Variants in CDH18 observed in about 807,000 individuals in gnomAD.
CDH18 encodes cadherin 18.
In CDH18, 31 loss-of-function variants were observed where a neutral mutation model predicts 67.9. That is an observed-to-expected ratio of 0.46 (90% CI 0.34 to 0.62). CDH18 has a LOEUF of 0.62. Among genes scored for constraint, CDH18 ranks in the 20% least tolerant of loss-of-function variants. CDH18 has a pLI of 0.01. For synonymous variants in CDH18, 362 were observed against 347.2 expected, an observed-to-expected ratio of 1.04 and a Z score of -0.48; for missense variants, 890 against 975.5, an observed-to-expected ratio of 0.91 and a Z score of 1.17.
chr5:19,872,790 T>A (rs2150026274), intron 2 of CDH18, among the ~76,000 whole-genome samples: 1 of 152,274 alleles, frequency 6.6e-6, no homozygotes, highest in African/African-American at 2.4e-5. Context: ...CACGGTAATT[T>A]GTTACACAAA....
At chr5:20,169,162 TA>T (rs1271963337) in intron 2 of CDH18, among the ~76,000 whole-genome samples, 1 of 152,128 alleles carries the variant, frequency 6.6e-6, no homozygotes, top group Non-Finnish European at 1.5e-5. Flanking sequence ...ACATAAAGGA[TA>T]AATGCTTGAG....
chr5:20,289,688 AAAAT>A (rs1247106534), intron 1 of CDH18, among the ~76,000 whole-genome samples: 1 of 151,900 alleles, frequency 6.6e-6, no homozygotes, highest in Admixed American at 6.6e-5. Context: ...ATCTTAGAAG[AAAAT>A]ATATATTAAA....
At chr5:19,870,528 T>C (rs1786142301) in intron 2 of CDH18, among the ~76,000 whole-genome samples, 3 of 152,134 alleles carry the variant, frequency 2.0e-5, no homozygotes. Context: ...AGAGTATCCT[T>C]ATGTTATAAG....
intron 7 of CDH18, among the ~76,000 whole-genome samples, chr5:19,577,315 AAT>A (rs1286530722): frequency 1.3e-5 from 2 of 152,176 alleles, no homozygotes; most frequent in Non-Finnish European, 2.9e-5. Flanking sequence ...GTACATCATA[AAT>A]ATATATAATT....
chr5:19,594,344 G>T (rs972158443), intron 6 of CDH18, among the ~76,000 whole-genome samples: 1 of 151,976 alleles, frequency 6.6e-6, no homozygotes. Context: ...GTAGAGACAG[G>T]GTTTCACTAT....
At chr5:20,128,484 A>T (rs1366036021) in intron 2 of CDH18, among the ~76,000 whole-genome samples, 1 of 152,120 alleles carries the variant, frequency 6.6e-6, no homozygotes, top group East Asian at 1.9e-4. Flanking sequence ...ACAGTGCTGC[A>T]GTGTTCTGAC....
intron 6 of CDH18, among the ~76,000 whole-genome samples, chr5:19,593,711 CTTCTTCTTCTTCTT>C (rs1561425930): frequency 0.077 from 9,947 of 129,332 alleles, 985 homozygotes; most frequent in East Asian, 0.25. Context: ...CCTCCTCCTT[CTTCTTCTTCTTCTT>C]CTTCTTCTTC....
intron 2 of CDH18, among the ~76,000 whole-genome samples, chr5:20,160,717 A>C (rs928262108): frequency 6.6e-6 from 1 of 152,226 alleles, no homozygotes; most frequent in Non-Finnish European, 1.5e-5. Flanking sequence ...TGTAATGAGC[A>C]AGGCTCTTTA....
intron 1 of CDH18, among the ~76,000 whole-genome samples, chr5:20,502,148 C>T (rs1357652998): frequency 6.6e-6 from 1 of 152,146 alleles, no homozygotes; most frequent in East Asian, 1.9e-4. Context: ...TTGCAGAAGA[C>T]AGTATTTTTA....
At chr5:20,066,331 G>C (rs1742973582) in intron 2 of CDH18, among the ~76,000 whole-genome samples, 1 of 152,036 alleles carries the variant, frequency 6.6e-6, no homozygotes, top group Non-Finnish European at 1.5e-5. Context: ...CTTGATACCA[G>C]AAAAACGCTA....
chr5:20,333,520 AAT>A (rs141580496), intron 1 of CDH18, among the ~76,000 whole-genome samples: 8 of 115,714 alleles, frequency 6.9e-5, no homozygotes, highest in African/African-American at 1.9e-4. Context: ...AAAAAAAAAC[AAT>A]ATATATACAC....
chr5:20,400,551 G>A (rs1017569974), intron 1 of CDH18, among the ~76,000 whole-genome samples: 59 of 151,080 alleles, frequency 3.9e-4, no homozygotes, highest in Admixed American at 2.4e-3. Context: ...ACTTGAGGCC[G>A]GGAGATTGAG....
At chr5:19,681,221 C>G (rs13170225) in intron 5 of CDH18, among the ~76,000 whole-genome samples, 1 of 151,570 alleles carries the variant, frequency 6.6e-6, no homozygotes, top group East Asian at 2.0e-4. Context: ...GGGGTACACA[C>G]GAACACATGA....
At chr5:20,506,266 A>G (rs934838900) in intron 1 of CDH18, among the ~76,000 whole-genome samples, 24 of 152,156 alleles carry the variant, frequency 1.6e-4, no homozygotes. Context: ...AATTGCTCCT[A>G]ACTTGCAGAA....
chr5:20,173,000 A>C (rs951805431), intron 2 of CDH18, among the ~76,000 whole-genome samples: 3 of 151,480 alleles, frequency 2.0e-5, no homozygotes, highest in Admixed American at 2.0e-4. Flanking sequence ...CAAAAAAAAA[A>C]AAAGAAAGAA....
chr5:19,492,094 T>C (rs973666195), intron 11 of CDH18, among the ~76,000 whole-genome samples: 20 of 152,148 alleles, frequency 1.3e-4, no homozygotes, highest in African/African-American at 4.6e-4. Flanking sequence ...TTTTCAAATG[T>C]AAAAGACAAA....
At chr5:19,622,700 G>A (rs1474848467) in intron 5 of CDH18, among the ~76,000 whole-genome samples, 1 of 152,150 alleles carries the variant, frequency 6.6e-6, no homozygotes. Flanking sequence ...ATCACATGGA[G>A]AAAGTGAGGC....
At chr5:20,245,454 G>A (rs1418416435) in intron 2 of CDH18, among the ~76,000 whole-genome samples, 1 of 152,044 alleles carries the variant, frequency 6.6e-6, no homozygotes, top group East Asian at 1.9e-4. Flanking sequence ...ACGAGAGAAG[G>A]TTCTAAAATT....
intron 1 of CDH18, among the ~76,000 whole-genome samples, chr5:20,531,706 G>C (rs1228163879): frequency 6.6e-6 from 1 of 152,046 alleles, no homozygotes; most frequent in Admixed American, 6.6e-5. Flanking sequence ...CATGAACACA[G>C]AAAGGGGAAC....
Sources: gnomAD v4.1 joint callset for allele counts (sites outside exome capture counted in the v4.1 genomes callset) on GRCh38, gnomAD v4.1.1 for gene constraint, MANE v1.5 for transcripts, NCBI Gene and HGNC (gene_info 2026-07-23, HGNC 2026-07-21) for gene names.